MLLT3: variants seen among roughly 807,000 people sequenced by gnomAD.
MLLT3 encodes protein AF-9.
MLLT3 carries 4 observed loss-of-function variants against 53.2 expected under a neutral mutation model. That is an observed-to-expected ratio of 0.08 (90% CI 0.04 to 0.17). The LOEUF is 0.17. Ranked by LOEUF, MLLT3 falls within the 10% of genes least tolerant of loss-of-function variation. The pLI is 1.00. For synonymous variants in MLLT3, 283 were observed against 230.6 expected, an observed-to-expected ratio of 1.23 and a Z score of -2.06; for missense variants, 569 against 684.0, an observed-to-expected ratio of 0.83 and a Z score of 1.87.
intron 5 of MLLT3, among the ~76,000 whole-genome samples, chr9:20,382,699 A>G (rs552913007): frequency 2.1e-4 from 32 of 152,046 alleles, no homozygotes; most frequent in African/African-American, 7.5e-4. Context: ...TTCTAGAGAG[A>G]TCGGATGTCA....
intron 8 of MLLT3, 149 bp downstream of exon 8, chr9:20,360,593 T>C: frequency 1.5e-6 from 1 of 655,862 alleles, no homozygotes; most frequent in Non-Finnish European, 2.8e-6. Context: ...TAACTATGTG[T>C]TTATTCCACA....
At chr9:20,536,451 C>T (rs966905575) in intron 2 of MLLT3, among the ~76,000 whole-genome samples, 3 of 152,138 alleles carry the variant, frequency 2.0e-5, no homozygotes, top group African/African-American at 7.2e-5. Flanking sequence ...GATTATTCAA[C>T]CCTTTTCCCC....
intron 2 of MLLT3, among the ~76,000 whole-genome samples, chr9:20,585,068 G>C (rs926500054): frequency 6.6e-6 from 1 of 152,122 alleles, no homozygotes; most frequent in Non-Finnish European, 1.5e-5. Flanking sequence ...AATCTGTTCA[G>C]GTTGCCTTAA....
chr9:20,348,301 T>C (rs184132386), intron 10 of MLLT3, among the ~76,000 whole-genome samples: 2 of 152,350 alleles, frequency 1.3e-5, no homozygotes, highest in Admixed American at 6.5e-5. Flanking sequence ...CCAGACCTAC[T>C]TGCAGCACTT....
intron 7 of MLLT3, among the ~76,000 whole-genome samples, chr9:20,361,405 T>A (rs1821318706): frequency 6.6e-6 from 1 of 152,186 alleles, no homozygotes; most frequent in African/African-American, 2.4e-5. Flanking sequence ...TCATAAAGAA[T>A]GTAGAAAACA....
intron 8 of MLLT3, among the ~76,000 whole-genome samples, chr9:20,356,117 G>T (rs551929998): frequency 6.6e-6 from 1 of 152,272 alleles, no homozygotes; most frequent in South Asian, 2.1e-4. Flanking sequence ...CATTTTACTG[G>T]ATGAGGATAG....
intron 2 of MLLT3, among the ~76,000 whole-genome samples, chr9:20,534,282 G>A (rs1818421549): frequency 6.6e-6 from 1 of 152,140 alleles, no homozygotes; most frequent in South Asian, 2.1e-4. Context: ...GAACAGCAAT[G>A]GCAACGATGG....
rs1820845693 is a variant in MLLT3, at chr9:20,345,594, A to T, written c.*849T>A. On this transcript the variant is annotated 3_prime_UTR_variant, in exon 11 of 11. Transcript: ENST00000380338. ...ACACAAGAATGTTGATGACAGCTCA[A>T]CAATGCTGGATTCAGGACATTTACA... 1 of 206,774 alleles carries T rather than the reference A, an allele frequency of 4.8e-6. No homozygotes were observed. Among genetic ancestry groups the T allele is most frequent in the Non-Finnish European group, 9.9e-6 (1 of 101,336 alleles). The allele number at this position is 206,774 out of a possible 1,614,324, so 12.8% of individuals were successfully genotyped here.
chr9:20,456,185 C>T (rs868414635), intron 3 of MLLT3, among the ~76,000 whole-genome samples: 30 of 152,076 alleles, frequency 2.0e-4, no homozygotes, highest in Middle Eastern at 6.8e-3. Flanking sequence ...GTGATCCGCC[C>T]GCCTCGGCCT....
At chr9:20,410,015 G>C (rs1473627883) in intron 5 of MLLT3, among the ~76,000 whole-genome samples, 2 of 152,138 alleles carry the variant, frequency 1.3e-5, no homozygotes, top group African/African-American at 2.4e-5. Flanking sequence ...TGAAAGATCT[G>C]AGACACTTTG....
chr9:20,363,473 C>T lies in MLLT3; in HGVS notation c.1331+3G>A. The T allele has an allele frequency of 1.9e-6, 3 of 1,613,504 alleles. No individual in the cohort carries two copies. The highest frequency in any genetic ancestry group is 2.5e-6 in the Non-Finnish European group (3 of 1,179,716). ...GCAACCCCTTTCCTTCCAAGATACT[C>T]ACCTGCGACTTCGGCTGCCTCCTCT... On this transcript the variant is annotated splice_donor_region_variant and intron_variant, in intron 7 of 10. Coordinates refer to ENST00000380338, the MANE Select transcript of MLLT3 (RefSeq NM_004529.4).
intron 4 of MLLT3, among the ~76,000 whole-genome samples, chr9:20,416,585 C>A (rs1822878073): frequency 6.6e-6 from 1 of 152,038 alleles, no homozygotes; most frequent in Non-Finnish European, 1.5e-5. Flanking sequence ...TAATTACATG[C>A]ATATAATGCT....
At chr9:20,600,345 A>G (rs750060474) in intron 2 of MLLT3, among the ~76,000 whole-genome samples, 2 of 152,184 alleles carry the variant, frequency 1.3e-5, no homozygotes, top group Non-Finnish European at 2.9e-5. Flanking sequence ...TTTTGTTGCT[A>G]TCCTCCATGT....
chr9:20,418,078 C>T (rs553655342), intron 4 of MLLT3, among the ~76,000 whole-genome samples: 3 of 152,294 alleles, frequency 2.0e-5, no homozygotes, highest in Admixed American at 1.3e-4. Flanking sequence ...CAAATAAACT[C>T]TCCCAGAAGA....
At chr9:20,571,334 T>C (rs1262831532) in intron 2 of MLLT3, among the ~76,000 whole-genome samples, 1 of 152,212 alleles carries the variant, frequency 6.6e-6, no homozygotes, top group Non-Finnish European at 1.5e-5. Context: ...AGTGAAGTGA[T>C]GACCTATTAA....
At chr9:20,545,963 G>C (rs572206675) in intron 2 of MLLT3, among the ~76,000 whole-genome samples, 2 of 152,032 alleles carry the variant, frequency 1.3e-5, no homozygotes, top group East Asian at 3.9e-4. Flanking sequence ...ATGCTGCAGT[G>C]AGCTATGATC....
intron 2 of MLLT3, among the ~76,000 whole-genome samples, chr9:20,529,870 A>C (rs1818288359): frequency 6.6e-6 from 1 of 151,474 alleles, no homozygotes; most frequent in Non-Finnish European, 1.5e-5. Context: ...ACTGTAATCC[A>C]ATTCTTTATC....
chr9:20,587,337 G>A (rs2131181424), intron 2 of MLLT3, among the ~76,000 whole-genome samples: 1 of 151,348 alleles, frequency 6.6e-6, no homozygotes, highest in Middle Eastern at 3.4e-3. Context: ...GAATTAGGTA[G>A]GAGAAGCCCA....
At chr9:20,365,392 T>C (rs1587159472) in intron 6 of MLLT3, among the ~76,000 whole-genome samples, 2 of 152,128 alleles carry the variant, frequency 1.3e-5, no homozygotes. Flanking sequence ...CAGGCTGGAG[T>C]GCAGTGGCGC....
Sources: allele counts gnomAD v4.1 joint callset (sites outside exome capture counted in the v4.1 genomes callset), GRCh38; gene constraint gnomAD v4.1.1; transcripts MANE v1.5; gene names NCBI Gene and HGNC (gene_info 2026-07-23, HGNC 2026-07-21).